The following ADAM32 variants were observed in gnomAD, a reference collection of about 807,000 sequenced individuals.
ADAM32 encodes ADAM metallopeptidase domain 32, also known as disintegrin and metalloproteinase domain-containing protein 32.
Under a neutral mutation model 114.9 loss-of-function variants are expected in ADAM32, and 89 were observed. That is an observed-to-expected ratio of 0.77 (90% CI 0.65 to 0.92). The LOEUF (loss-of-function observed/expected upper bound fraction) is 0.92, where lower values mean the gene tolerates loss of function less well. Ranked by LOEUF, ADAM32 falls within the 40% of genes least tolerant of loss-of-function variation. ADAM32 has a pLI of 0.00. For synonymous variants in ADAM32, 285 were observed against 307.5 expected (o/e 0.93, Z 0.77); for missense variants, 870 against 932.8 (o/e 0.93, Z 0.88).
chr8:39,160,768 T>C lies in ADAM32; in HGVS notation c.526-129T>C. ...AAACTTAAAACTTTATTTATTAATT[T>C]TAACCAATTTGATAAAGCAAACACC... On this transcript the variant is annotated intron_variant, in intron 6 of 24. Coordinates refer to ENST00000379907, the MANE Select transcript of ADAM32 (RefSeq NM_145004.7). The C allele has an allele frequency of 6.3e-6, 5 of 795,054 alleles. No individual in the cohort carries two copies. The South Asian group carries it at 8.3e-5, about 13-fold the overall frequency. 49.2% of individuals were successfully genotyped at this position (795,054 alleles called of 1,614,324 possible). A position where few individuals can be genotyped will look rare whatever the true frequency, so the allele number is the denominator to read the frequency against.
intron 23 of ADAM32, among the ~76,000 whole-genome samples, chr8:39,282,266 C>T (rs1813466617): frequency 6.6e-6 from 1 of 152,162 alleles, no homozygotes; most frequent in Non-Finnish European, 1.5e-5. Flanking sequence ...TTATAGGTAG[C>T]ATCTTGCAGG....
chr8:39,174,118 C>A (rs1317271134), intron 10 of ADAM32, among the ~76,000 whole-genome samples: 3 of 152,134 alleles, frequency 2.0e-5, no homozygotes, highest in Non-Finnish European at 4.4e-5. Flanking sequence ...AGCCACCATG[C>A]CCAATCAACT....
At chr8:39,210,922 T>C (rs1398382780) in intron 11 of ADAM32, among the ~76,000 whole-genome samples, 2 of 152,180 alleles carry the variant, frequency 1.3e-5, no homozygotes, top group African/African-American at 4.8e-5. Context: ...TGTGTGTGTG[T>C]GTGTGTTGCT....
chr8:39,268,923 A>G (rs905556972), intron 19 of ADAM32, among the ~76,000 whole-genome samples: 8 of 152,218 alleles, frequency 5.3e-5, no homozygotes, highest in Non-Finnish European at 1.2e-4. Flanking sequence ...ATTACCATAT[A>G]TTCAACTCAG....
intron 11 of ADAM32, among the ~76,000 whole-genome samples, chr8:39,203,480 C>T (rs1807585758): frequency 1.3e-5 from 2 of 152,072 alleles, no homozygotes; most frequent in South Asian, 4.2e-4. Flanking sequence ...TTTCCATTTG[C>T]TTGGTAGATC....
intron 17 of ADAM32, among the ~76,000 whole-genome samples, chr8:39,250,524 A>G (rs1811222364): frequency 6.6e-6 from 1 of 152,030 alleles, no homozygotes; most frequent in Non-Finnish European, 1.5e-5. Flanking sequence ...TATGAAGTAT[A>G]ATTGTTTTAT....
At chr8:39,216,150 A>G (rs1808552072) in intron 12 of ADAM32, among the ~76,000 whole-genome samples, 1 of 151,998 alleles carries the variant, frequency 6.6e-6, no homozygotes, top group Non-Finnish European at 1.5e-5. Context: ...GTCATTATAT[A>G]ATGACCTTCT....
intron 11 of ADAM32, among the ~76,000 whole-genome samples, chr8:39,189,539 G>C (rs1054398035): frequency 6.6e-6 from 1 of 151,978 alleles, no homozygotes; most frequent in African/African-American, 2.4e-5. Flanking sequence ...TTTCATATCT[G>C]TATACGTGTG....
intron 22 of ADAM32, among the ~76,000 whole-genome samples, chr8:39,279,976 G>A (rs1344377360): frequency 6.6e-6 from 1 of 152,192 alleles, no homozygotes; most frequent in Non-Finnish European, 1.5e-5. Context: ...TTTGCGAGTA[G>A]TGGAACTGAG....
At position 39,126,416 on chromosome 8, in the gene ADAM32, G is replaced by C. The variant is rs114046051; in HGVS notation, c.138+8251G>C. Among the ~76,000 whole-genome samples, 11 of 152,154 alleles carry C rather than the reference G, an allele frequency of 7.2e-5. No homozygotes were observed. In the Middle Eastern group the frequency reaches 0.01, roughly 141 times the overall value. ...CTTCCCTCGTTAGCTGCATTCCTAG[G>C]TATTTTATTCTTTCTGTAGCAGTTG... On this transcript the variant is annotated intron_variant, in intron 2 of 24. Transcript: ENST00000379907.
Position 39,284,846 on chromosome 8 carries a change from A to G in ADAM32, c.*47A>G. ...GATAACATCGAGAGTCTCGCTAAGAAATGAAAATTCTGTCTTTCCTTCCGT... is the reference window on the plus strand; with the variant it reads ...GATAACATCGAGAGTCTCGCTAAGAGATGAAAATTCTGTCTTTCCTTCCGT... On this transcript the variant is annotated 3_prime_UTR_variant, in exon 25 of 25. Coordinates refer to ENST00000379907, the MANE Select transcript of ADAM32 (RefSeq NM_145004.7). The G allele has an allele frequency of 6.2e-7, 1 of 1,607,792 alleles. No individual in the cohort carries two copies. The highest frequency in any genetic ancestry group is 8.5e-7 in the Non-Finnish European group (1 of 1,174,612).
At chr8:39,138,871 T>A (rs913403807) in intron 3 of ADAM32, among the ~76,000 whole-genome samples, 2 of 152,204 alleles carry the variant, frequency 1.3e-5, no homozygotes, top group East Asian at 3.8e-4. Flanking sequence ...CTGTTCTAAG[T>A]GGCGTGAGAT....
At position 39,189,412 on chromosome 8, in the gene ADAM32, G is replaced by A. The variant is rs966294653; in HGVS notation, c.1052+2367G>A. On this transcript the variant is annotated intron_variant, in intron 11 of 24. Transcript: ENST00000379907. ...TCAAAATTCACTTTTATACTTAAGC[G>A]CTCCTTCCATTATATCATTTTTTTT... Among the ~76,000 whole-genome samples, 10 of 152,012 alleles carry A rather than the reference G, an allele frequency of 6.6e-5. No homozygotes were observed. The South Asian group carries it at 1.0e-3, about 16-fold the overall frequency.
chr8:39,217,320 A>G (rs556852021), intron 12 of ADAM32, among the ~76,000 whole-genome samples: 14 of 152,124 alleles, frequency 9.2e-5, no homozygotes, highest in African/African-American at 2.4e-4. Flanking sequence ...GAGTTTGATT[A>G]TTAAATGCTT....
intron 11 of ADAM32, among the ~76,000 whole-genome samples, chr8:39,206,481 A>G (rs1182982586): frequency 6.6e-6 from 1 of 152,198 alleles, no homozygotes; most frequent in African/African-American, 2.4e-5. Flanking sequence ...CTCAGGCCCC[A>G]GGACAGCATG....
At chr8:39,271,460 CAAA>C (rs33982521) in intron 20 of ADAM32, among the ~76,000 whole-genome samples, 1 of 110,296 alleles carries the variant, frequency 9.1e-6, no homozygotes. Flanking sequence ...CTTAACCTTA[CAAA>C]AAAAAAAAAA....
intron 11 of ADAM32, among the ~76,000 whole-genome samples, chr8:39,203,031 T>A (rs1807540125): frequency 6.6e-6 from 1 of 152,244 alleles, no homozygotes; most frequent in Non-Finnish European, 1.5e-5. Flanking sequence ...TTACATTTGC[T>A]GAGGAGTGCT....
At chr8:39,166,931 A>G (rs954744061) in intron 9 of ADAM32, 18 of 151,532 alleles carry the variant, frequency 1.2e-4, no homozygotes, top group African/African-American at 3.6e-4. Flanking sequence ...TAGGTTCTGG[A>G]TATTAGTCCT....
At chr8:39,257,073 G>A in intron 18 of ADAM32, 114 bp from the exon 19 acceptor site, 1 of 1,070,912 alleles carries the variant, frequency 9.3e-7, no homozygotes, top group Non-Finnish European at 1.3e-6. Context: ...TTTTTTCCAT[G>A]TTCCTTGAAT....
Sources: gnomAD v4.1 joint callset for allele counts (sites outside exome capture counted in the v4.1 genomes callset) on GRCh38, gnomAD v4.1.1 for gene constraint, MANE v1.5 for transcripts, NCBI Gene and HGNC (gene_info 2026-07-23, HGNC 2026-07-21) for gene names.